ZNF461: variants seen among roughly 807,000 people sequenced by gnomAD.
The protein encoded by ZNF461 is gonadotropin-inducible ovarian transcription factor-1.
A neutral mutation model predicts 18.3 loss-of-function variants in ZNF461; 16 were observed. The ratio of observed to expected loss-of-function variants is 0.88; its 90% confidence interval spans 0.59 to 1.33. The LOEUF (loss-of-function observed/expected upper bound fraction) is 1.33. Among genes scored for constraint, ZNF461 ranks in the 40% most tolerant of loss-of-function variants. ZNF461 has a pLI of 0.00. For synonymous variants in ZNF461, 179 were observed against 216.9 expected (o/e 0.83, Z 1.54); for missense variants, 595 against 669.9 (o/e 0.89, Z 1.23).
chr19:36,641,617 A>C (rs1278693546), intron 5 of ZNF461, among the ~76,000 whole-genome samples: 1 of 151,224 alleles, frequency 6.6e-6, no homozygotes, highest in Non-Finnish European at 1.5e-5. Flanking sequence ...CTATAAAAAC[A>C]ACCTTTACAA....
chr19:36,643,066 G>A (rs2037456668), intron 5 of ZNF461, among the ~76,000 whole-genome samples: 2 of 152,080 alleles, frequency 1.3e-5, no homozygotes, highest in South Asian at 4.1e-4. Context: ...ACCGCACTCG[G>A]CCAGCGGACA....
chr19:36,640,799 AAAAG>A (rs2145364720), intron 5 of ZNF461, among the ~76,000 whole-genome samples: 1 of 152,362 alleles, frequency 6.6e-6, no homozygotes, highest in South Asian at 2.1e-4. Context: ...TTGTATCAAA[AAAAG>A]AAAATTAATT....
intron 5 of ZNF461, among the ~76,000 whole-genome samples, chr19:36,642,950 G>T (rs1383547425): frequency 6.6e-6 from 1 of 151,884 alleles, no homozygotes; most frequent in Admixed American, 6.6e-5. Context: ...TGTAGTTTTA[G>T]TTGAGATGGG....
intron 4 of ZNF461, among the ~76,000 whole-genome samples, chr19:36,651,215 A>G (rs115774026): frequency 6.7e-6 from 1 of 149,176 alleles, no homozygotes; most frequent in African/African-American, 2.5e-5. Context: ...TGGGGCACAA[A>G]GCGAGACTCC....
At chr19:36,653,417 G>C (rs1377931615) in intron 4 of ZNF461, among the ~76,000 whole-genome samples, 1 of 152,154 alleles carries the variant, frequency 6.6e-6, no homozygotes, top group African/African-American at 2.4e-5. Context: ...TAATTATACA[G>C]AGAACAGAAC....
chr19:36,640,108 G>T, intron 5 of ZNF461, 65 bp from the exon 6 acceptor site: 4 of 1,347,442 alleles, frequency 3.0e-6, no homozygotes, highest in East Asian at 4.7e-5. Context: ...AATATCTATG[G>T]TAGCAATGAG....
At chr19:36,662,127 C>A (rs143841812) in intron 2 of ZNF461, among the ~76,000 whole-genome samples, 1 of 152,118 alleles carries the variant, frequency 6.6e-6, no homozygotes. Context: ...CTTCAGCCTC[C>A]CAAAATGCAG....
At chr19:36,658,446 A>G in intron 2 of ZNF461, 21 bp from the exon 3 acceptor site, 2 of 1,571,072 alleles carry the variant, frequency 1.3e-6, no homozygotes, top group African/African-American at 2.7e-5. Flanking sequence ...AAATAATAGT[A>G]CTATTTTTGA....
intron 2 of ZNF461, among the ~76,000 whole-genome samples, chr19:36,659,596 T>C (rs764383306): frequency 1.4e-4 from 22 of 152,138 alleles, no homozygotes; most frequent in Non-Finnish European, 2.8e-4. Context: ...CAACAAGAGA[T>C]TTAATAATTC....
At chr19:36,663,434 C>CT (rs1176323334) in intron 2 of ZNF461, among the ~76,000 whole-genome samples, 4 of 151,028 alleles carry the variant, frequency 2.6e-5, no homozygotes, top group African/African-American at 9.8e-5. Flanking sequence ...TCTGAAAGGT[C>CT]TTTTAATAGA....
At position 36,657,837 on chromosome 19, in the gene ZNF461, AGTG is replaced by A. The variant is rs368440581; in HGVS notation, c.136+459_136+461del. 1.0e-2 allele frequency: 1,526 copies of A among 152,936 alleles called. 31 individuals are homozygous for A. Among genetic ancestry groups the A allele is most frequent in the African/African-American group, 0.035 (1,439 of 41,610 alleles). The allele number at this position is 152,936 out of a possible 1,614,324, so 9.5% of individuals were successfully genotyped here. ...AGATTACATTTATTATAGGAAATGG[AGTG>A]GTGCTCATTTGAGAATAGTAAATGA... On this transcript the variant is annotated intron_variant, in intron 3 of 5. Transcript: ENST00000588268.
At chr19:36,650,399 A>C (rs1410410548) in intron 4 of ZNF461, among the ~76,000 whole-genome samples, 2 of 152,158 alleles carry the variant, frequency 1.3e-5, no homozygotes, top group East Asian at 3.8e-4. Context: ...CTAAGATAAA[A>C]TAGGCAATCT....
intron 2 of ZNF461, among the ~76,000 whole-genome samples, chr19:36,663,135 T>A (rs2037844753): frequency 6.6e-6 from 1 of 152,238 alleles, no homozygotes; most frequent in Non-Finnish European, 1.5e-5. Context: ...CTTTCTGCCA[T>A]GTTTAATTCT....
chr19:36,642,084 T>C (rs1014557539), intron 5 of ZNF461, among the ~76,000 whole-genome samples: 3 of 152,132 alleles, frequency 2.0e-5, no homozygotes, highest in Non-Finnish European at 2.9e-5. Flanking sequence ...TGTGCCACTA[T>C]GCCCTGCTAA....
At chr19:36,660,061 C>CA (rs943548274) in intron 2 of ZNF461, among the ~76,000 whole-genome samples, 28 of 149,946 alleles carry the variant, frequency 1.9e-4, no homozygotes, top group Admixed American at 6.7e-4. Context: ...CAAGTGGTGG[C>CA]TTTTTTTTTC....
At chr19:36,666,087 G>A (rs1436070511) in intron 1 of ZNF461, among the ~76,000 whole-genome samples, 1 of 139,382 alleles carries the variant, frequency 7.2e-6, no homozygotes, top group East Asian at 2.1e-4. Context: ...TAACGTGAAT[G>A]TTTTTTTGTT....
At chr19:36,646,126 GTTGTTGTTATTGTTGTTGA>G (rs1458707085) in intron 4 of ZNF461, among the ~76,000 whole-genome samples, 1 of 150,688 alleles carries the variant, frequency 6.6e-6, no homozygotes, top group Non-Finnish European at 1.5e-5. Context: ...TGTTATTGTT[GTTGTTGTTATTGTTGTTGA>G]TTGAGATGGA....
chr19:36,658,161 C>T, intron 3 of ZNF461, 138 bp downstream of exon 3: 1 of 882,402 alleles, frequency 1.1e-6, no homozygotes, highest in East Asian at 2.7e-5. Context: ...TTCTACAATA[C>T]ATAAAGAGAA....
chr19:36,662,381 C>A (rs973507051), intron 2 of ZNF461, among the ~76,000 whole-genome samples: 1 of 151,942 alleles, frequency 6.6e-6, no homozygotes, highest in Non-Finnish European at 1.5e-5. Flanking sequence ...CTCAGCCTCC[C>A]GAGTAGCTGG....
Sources: gnomAD v4.1 joint callset for allele counts (sites outside exome capture counted in the v4.1 genomes callset) on GRCh38, gnomAD v4.1.1 for gene constraint, MANE v1.5 for transcripts, NCBI Gene and HGNC (gene_info 2026-07-23, HGNC 2026-07-21) for gene names.